The following IL4R variants were observed in gnomAD, a reference collection of about 807,000 sequenced individuals.
IL4R encodes interleukin-4 receptor subunit alpha.
A neutral mutation model predicts 41.5 loss-of-function variants in IL4R; 17 were observed. The ratio of observed to expected loss-of-function variants is 0.41; its 90% CI spans 0.28 to 0.61. The LOEUF (loss-of-function observed/expected upper bound fraction) is 0.61. Among genes scored for constraint, IL4R ranks in the 20% least tolerant of loss-of-function variants. The pLI, the probability that IL4R is intolerant of heterozygous loss-of-function variation, is 0.31. For missense variants in IL4R, 974 were observed against 1,043.1 expected, an observed-to-expected ratio of 0.93 and a Z score of 0.91; for synonymous variants, 402 against 422.9, an observed-to-expected ratio of 0.95 and a Z score of 0.61.
intron 3 of IL4R, chr16:27,341,418 T>G (rs2085438683): frequency 1.9e-6 from 1 of 538,626 alleles, no homozygotes; most frequent in Admixed American, 3.4e-5. Context: ...TAAGCCCTTA[T>G]GCAAGTTGTT....
chr16:27,353,033 C>T (rs1398524912), intron 7 of IL4R, among the ~76,000 whole-genome samples: 1 of 152,228 alleles, frequency 6.6e-6, no homozygotes, highest in South Asian at 2.1e-4. Context: ...CGTCATTCTC[C>T]AGGACAAAGA....
chr16:27,331,991 T>G (rs1033604738), intron 2 of IL4R, among the ~76,000 whole-genome samples: 27 of 151,998 alleles, frequency 1.8e-4, no homozygotes, highest in African/African-American at 6.3e-4. Flanking sequence ...TATTTTTTAT[T>G]TTTTGAGACA....
At chr16:27,356,996 CA>C (rs2086102775) in intron 8 of IL4R, among the ~76,000 whole-genome samples, 1 of 152,128 alleles carries the variant, frequency 6.6e-6, no homozygotes, top group African/African-American at 2.4e-5. Context: ...TCAGTCCTCC[CA>C]TCTCTGAAAT....
At chr16:27,320,677 G>A (rs570659519) in intron 1 of IL4R, among the ~76,000 whole-genome samples, 5 of 152,294 alleles carry the variant, frequency 3.3e-5, no homozygotes, top group South Asian at 2.1e-4. Flanking sequence ...GAGCATAGTC[G>A]CCCAGAACCA....
Position 27,345,033 on chromosome 16 carries a change from G to T in IL4R, c.361+13G>T. The T allele has an allele frequency of 6.6e-7, 1 of 1,519,260 alleles. No homozygotes were observed. 94.1% of individuals were successfully genotyped at this position (1,519,260 alleles called of 1,614,324 possible). A position where few individuals can be genotyped will look rare whatever the true frequency, so the allele number is the denominator to read the frequency against. On this transcript the variant is annotated intron_variant, in intron 5 of 10. Coordinates refer to ENST00000395762, the MANE Select transcript of IL4R (RefSeq NM_000418.4). This position sits in a 1 kb window ranked among gnomAD's most constrained non-coding sequence, Gnocchi z 4.5. ...CCCAGCGAGCATGGTGAGCAGGGCG[G>T]AGTGCGGCAGGGGTGGCTGGGTGTG...
chr16:27,332,400 C>T (rs983263380), intron 2 of IL4R, among the ~76,000 whole-genome samples: 8 of 152,028 alleles, frequency 5.3e-5, no homozygotes, highest in African/African-American at 1.9e-4. Flanking sequence ...CTCACTGTCA[C>T]GAAAACAGCA....
chr16:27,355,283 G>C (rs1596530384), intron 7 of IL4R: 1 of 289,796 alleles, frequency 3.5e-6, no homozygotes, highest in East Asian at 8.5e-5. Context: ...ACTTTTTGGA[G>C]AATGTGACGA....
chr16:27,321,596 T>G (rs2084813002), intron 1 of IL4R, among the ~76,000 whole-genome samples: 1 of 152,250 alleles, frequency 6.6e-6, no homozygotes, highest in Admixed American at 6.5e-5. Flanking sequence ...CATGTTTCTC[T>G]TCTATATGAG....
intron 2 of IL4R, among the ~76,000 whole-genome samples, chr16:27,335,386 G>A (rs1005877030): frequency 6.6e-6 from 1 of 152,032 alleles, no homozygotes; most frequent in Non-Finnish European, 1.5e-5. Context: ...TTATTTATTA[G>A]AGATGAAGTC....
rs2085654654 is a variant in IL4R at position 27,346,617 on chromosome 16, A to G, written c.512A>G (p.Asp171Gly). 6 of 1,613,878 alleles carry G rather than the reference A, an allele frequency of 3.7e-6. No homozygotes were observed. The highest frequency in any genetic ancestry group is 5.1e-6 in the Non-Finnish European group (6 of 1,180,018). Reference protein sequence around the residue: ...VNIWSENDPADFRIYNVTYLE... With the variant: ...VNIWSENDPAGFRIYNVTYLE... ...ATTTGGAGTGAAAACGACCCGGCAG[A>G]TGTGAGTGGGCATGCTTTGACGTTT... Residue 171 changes from aspartate (D) to glycine (G), a missense_variant and splice_region_variant, in exon 6 of 11, where the codon GAT becomes GGT. Coordinates refer to ENST00000395762, the MANE Select transcript of IL4R (RefSeq NM_000418.4).
At chr16:27,348,042 G>A (rs1354585003) in intron 6 of IL4R, among the ~76,000 whole-genome samples, 2 of 152,200 alleles carry the variant, frequency 1.3e-5, no homozygotes, top group African/African-American at 2.4e-5. Context: ...TGCATCCCAG[G>A]GGCCCAGGCT....
intron 2 of IL4R, among the ~76,000 whole-genome samples, chr16:27,332,985 C>A (rs2085155952): frequency 6.6e-6 from 1 of 151,866 alleles, no homozygotes; most frequent in South Asian, 2.1e-4. Flanking sequence ...TGGCTTTCTT[C>A]CTGCTAGTGA....
chr16:27,360,868 T>C, intron 10 of IL4R, 53 bp downstream of exon 10: 1 of 1,614,060 alleles, frequency 6.2e-7, no homozygotes, highest in South Asian at 1.1e-5. Context: ...GGTGATAGAA[T>C]TGGAGAGGCA....
rs200752701 is a variant in IL4R, at chr16:27,363,380, G to A, written c.2028G>A (p.Glu676=). 2.5e-6 allele frequency: 4 copies of A among 1,614,120 alleles called. No individual in the cohort carries two copies. The African/African-American group carries it at 4.0e-5, about 16-fold the overall frequency. Residue 676 remains glutamate, a synonymous_variant, in exon 11 of 11, where the codon GAG becomes GAA. Coordinates refer to ENST00000395762, the MANE Select transcript of IL4R (RefSeq NM_000418.4). ...QSSHLPSSSP[E]HLGLEPGEKV... is the part of the protein sequence containing the mutation. ...CACATCTCCCAAGCAGCTCCCCAGA[G>A]CACCTGGGTCTGGAGCCGGGGGAAA...
At chr16:27,328,504 G>A (rs1410669461) in intron 1 of IL4R, among the ~76,000 whole-genome samples, 1 of 152,156 alleles carries the variant, frequency 6.6e-6, no homozygotes, top group Admixed American at 6.5e-5. Flanking sequence ...CTCCCAAAGT[G>A]CTGGGATTAC....
chr16:27,362,888 G>A lies in IL4R; in HGVS notation c.1536G>A (p.Glu512=). The A allele has an allele frequency of 6.2e-7, 1 of 1,614,140 alleles. No homozygotes were observed. Among genetic ancestry groups the A allele is most frequent in the Non-Finnish European group, 8.5e-7 (1 of 1,180,036 alleles). Residue 512 remains glutamate (E), a synonymous_variant, in exon 11 of 11, where the codon GAG becomes GAA. Coordinates refer to ENST00000395762, the MANE Select transcript of IL4R (RefSeq NM_000418.4). ...NSLSQSPCPR[E]LGPDPLLARH... is the part of the protein sequence containing the mutation. ...TGAGCCAGTCACCGTGTCCCAGAGA[G>A]CTGGGTCCAGACCCACTGCTGGCCA... is the stretch of plus-strand genomic sequence containing the variant.
intron 7 of IL4R, chr16:27,355,077 G>A (rs3024691): frequency 6.7e-4 from 295 of 443,386 alleles, no homozygotes; most frequent in Non-Finnish European, 8.3e-4. Context: ...CTGGGGAATC[G>A]GCGATGAACA....
At chr16:27,346,730 A>G (rs1469903636) in intron 6 of IL4R, 112 bp downstream of exon 6, 2 of 1,179,686 alleles carry the variant, frequency 1.7e-6, no homozygotes, top group African/African-American at 3.0e-5. Context: ...CTGGGGCTGG[A>G]TAGCAAATCC....
At chr16:27,338,764 G>A (rs1014150766) in intron 2 of IL4R, among the ~76,000 whole-genome samples, 1 of 152,068 alleles carries the variant, frequency 6.6e-6, no homozygotes, top group African/African-American at 2.4e-5. Context: ...TCGTCCGTGA[G>A]GAATGGGCTC....
Sources: gnomAD v4.1 joint callset for allele counts (sites outside exome capture counted in the v4.1 genomes callset) on GRCh38, gnomAD v4.1.1 for gene constraint, Gnocchi (gnomAD v3.1) non-coding constraint, MANE v1.5 for transcripts, NCBI Gene and HGNC (gene_info 2026-07-23, HGNC 2026-07-21) for gene names.